The following CFAP57 variants were observed in gnomAD, a reference collection of about 807,000 sequenced individuals.
CFAP57 encodes cilia- and flagella-associated protein 57.
A neutral mutation model predicts 146.8 loss-of-function variants in CFAP57; 116 were observed. The ratio of observed to expected loss-of-function variants is 0.79; its 90% confidence interval spans 0.68 to 0.92. CFAP57 has a LOEUF of 0.92. Among genes scored for constraint, CFAP57 ranks in the 40% least tolerant of loss-of-function variants. CFAP57 has a pLI of 0.00. For missense variants in CFAP57, 1,377 were observed against 1,527.2 expected (o/e 0.90, Z 1.64); for synonymous variants, 518 against 552.8 (o/e 0.94, Z 0.88).
At chr1:43,250,555 A>G (rs1373588660) in intron 22 of CFAP57, among the ~76,000 whole-genome samples, 4 of 152,198 alleles carry the variant, frequency 2.6e-5, no homozygotes, top group Non-Finnish European at 5.9e-5. Context: ...ATTGCAAAAG[A>G]ATATCAAGTT....
chr1:43,250,306 G>C (rs1646290711), intron 22 of CFAP57: 1 of 152,186 alleles, frequency 6.6e-6, no homozygotes, highest in Admixed American at 6.5e-5. Flanking sequence ...ATCCAGTGAA[G>C]AATGTGAACC....
At chr1:43,251,556 T>C (rs891741820) in intron 22 of CFAP57, among the ~76,000 whole-genome samples, 2 of 152,218 alleles carry the variant, frequency 1.3e-5, no homozygotes, top group African/African-American at 4.8e-5. Flanking sequence ...CAACTGTCTA[T>C]GGAACTATTG....
intron 2 of CFAP57, among the ~76,000 whole-genome samples, chr1:43,176,409 A>G (rs1645173886): frequency 6.6e-6 from 1 of 152,182 alleles, no homozygotes; most frequent in African/African-American, 2.4e-5. Flanking sequence ...GTGAAGGGAA[A>G]AATATAAAGG....
intron 22 of CFAP57, among the ~76,000 whole-genome samples, chr1:43,246,807 C>T (rs148462935): frequency 2.4e-4 from 37 of 152,262 alleles, no homozygotes; most frequent in African/African-American, 7.5e-4. Context: ...ACATACATGA[C>T]GGCCCATCAG....
intron 10 of CFAP57, among the ~76,000 whole-genome samples, chr1:43,208,967 A>T (rs1644478685): frequency 6.6e-6 from 1 of 152,206 alleles, no homozygotes; most frequent in Admixed American, 6.5e-5. Flanking sequence ...CCATACTGTG[A>T]GTAAGATATT....
At chr1:43,248,318 TC>T (rs1405551388) in intron 22 of CFAP57, among the ~76,000 whole-genome samples, 8 of 150,184 alleles carry the variant, frequency 5.3e-5, no homozygotes, top group Non-Finnish European at 3.0e-5. Context: ...AAAAAAATTT[TC>T]TTTTTTTTTT....
At chr1:43,240,830 G>A (rs890077091) in intron 21 of CFAP57, among the ~76,000 whole-genome samples, 5 of 152,156 alleles carry the variant, frequency 3.3e-5, no homozygotes, top group South Asian at 2.1e-4. Context: ...GTCACATGGC[G>A]AAAGAGAGAG....
chr1:43,247,693 T>C (rs1422223961), intron 22 of CFAP57, among the ~76,000 whole-genome samples: 1 of 152,242 alleles, frequency 6.6e-6, no homozygotes, highest in African/African-American at 2.4e-5. Context: ...AATATTTTAT[T>C]ATCTAAACTT....
intron 3 of CFAP57, among the ~76,000 whole-genome samples, chr1:43,183,383 T>A (rs2124289669): frequency 6.6e-6 from 1 of 152,332 alleles, no homozygotes; most frequent in Admixed American, 6.5e-5. Context: ...GATTTCCTAG[T>A]TTGACTCCTA....
intron 18 of CFAP57, among the ~76,000 whole-genome samples, chr1:43,230,798 C>G (rs1645436226): frequency 6.6e-6 from 1 of 152,232 alleles, no homozygotes; most frequent in Non-Finnish European, 1.5e-5. Context: ...AGTGTTTATC[C>G]TACTCCACCT....
At chr1:43,226,507 T>C (rs1645248597) in intron 17 of CFAP57, among the ~76,000 whole-genome samples, 1 of 152,224 alleles carries the variant, frequency 6.6e-6, no homozygotes, top group Non-Finnish European at 1.5e-5. Context: ...CCAATGCAGG[T>C]GTCCCAAGAG....
chr1:43,254,161 C>T lies in CFAP57; in HGVS notation c.3723C>T (p.Ser1241=), dbSNP rs752372030. Residue 1241 remains serine, a synonymous_variant, in exon 23 of 23, where the codon TCC becomes TCT. Coordinates refer to ENST00000372492, the MANE Select transcript of CFAP57 (RefSeq NM_001378189.1). ...AGVRLPSLSN[S]EVDLEVKTN is the part of the protein sequence containing the mutation. The stretch of plus-strand genomic sequence containing the variant: ...TTCGGCTTCCTTCCCTCTCCAACTC[C>T]GAGGTAGACTTAGAGGTGAAGACCA... 106 of 1,550,308 alleles carry T rather than the reference C, an allele frequency of 6.8e-5. No homozygotes were observed. The highest frequency in any genetic ancestry group is 8.3e-5 in the South Asian group (7 of 84,052).
At chr1:43,221,492 G>T in intron 14 of CFAP57, 27 bp downstream of exon 14, 1 of 1,456,384 alleles carries the variant, frequency 6.9e-7, no homozygotes, top group Non-Finnish European at 9.1e-7. Context: ...AGGCCTCGTT[G>T]GTTAGGGTTG....
At chr1:43,234,154 A>G in intron 19 of CFAP57, 125 bp from the exon 20 acceptor site, 7 of 1,117,054 alleles carry the variant, frequency 6.3e-6, no homozygotes, top group Non-Finnish European at 8.5e-6. Flanking sequence ...GGCCCCTGGC[A>G]GTCAGCTGTA....
intron 1 of CFAP57, 72 bp downstream of exon 1, chr1:43,172,525 A>T: frequency 8.2e-7 from 1 of 1,219,582 alleles, no homozygotes; most frequent in Non-Finnish European, 1.1e-6. Flanking sequence ...AGGCAGAAAA[A>T]GGAGCCGCGG....
intron 18 of CFAP57, among the ~76,000 whole-genome samples, chr1:43,229,150 C>G (rs1301658372): frequency 6.7e-6 from 1 of 149,018 alleles, no homozygotes; most frequent in Admixed American, 6.6e-5. Flanking sequence ...ACACCACAGG[C>G]CCCTGGAAAT....
chr1:43,186,428 G>T (rs1011459783), intron 5 of CFAP57, among the ~76,000 whole-genome samples: 2 of 151,878 alleles, frequency 1.3e-5, no homozygotes, highest in Admixed American at 6.6e-5. Flanking sequence ...TGGCTAACGC[G>T]GTGAAACCCT....
Position 43,221,399 on chromosome 1 carries a change from G to C in CFAP57, c.2275G>C (p.Asp759His). ...CTTAAGAACAGAAAAAGAGAAGCAG[G>C]ATGTTTATCACCATGAGCACATAGA... is the stretch of plus-strand genomic sequence containing the variant. ...QVLRTEKEKQ[D>H]VYHHEHIEDL... is the part of the protein sequence containing the mutation. The change falls in exon 14 of 23, where the codon GAT becomes CAT. Residue 759 changes from aspartate to histidine, a missense_variant. By Grantham distance (81) the Asp-to-His change is moderately conservative. Transcript: ENST00000372492. 3 of 1,543,826 alleles carry C rather than the reference G, an allele frequency of 1.9e-6. No homozygotes were observed. Among genetic ancestry groups the C allele is most frequent in the Non-Finnish European group, 2.6e-6 (3 of 1,143,256 alleles).
chr1:43,172,632 A>C, intron 1 of CFAP57, 103 bp from the exon 2 acceptor site: 1 of 862,566 alleles, frequency 1.2e-6, no homozygotes, highest in South Asian at 1.4e-5. Context: ...AAGGGGAGAG[A>C]CAAGGGGAGG....
Sources: gnomAD v4.1 joint callset for allele counts (sites outside exome capture counted in the v4.1 genomes callset) on GRCh38, gnomAD v4.1.1 for gene constraint, MANE v1.5 for transcripts, NCBI Gene and HGNC (gene_info 2026-07-23, HGNC 2026-07-21) for gene names.